Variants in PDZRN3 observed in about 807,000 individuals in gnomAD.
The protein encoded by PDZRN3 is E3 ubiquitin-protein ligase PDZRN3.
A neutral mutation model predicts 85.7 loss-of-function variants in PDZRN3; 38 were observed. The observed-to-expected ratio is 0.44, with a 90% CI of 0.34 to 0.58. The LOEUF is 0.58. PDZRN3 is among the 20% of genes least tolerant of loss of function. The pLI is 0.01. For synonymous variants in PDZRN3, 759 were observed against 638.0 expected (o/e 1.19, Z -2.86); for missense variants, 1,629 against 1,506.4 (o/e 1.08, Z -1.35).
intron 3 of PDZRN3, among the ~76,000 whole-genome samples, chr3:73,493,129 T>C (rs72886020): frequency 0.12 from 17,769 of 151,736 alleles, 1,214 homozygotes; most frequent in South Asian, 0.24. Flanking sequence ...TGCCATAATT[T>C]CTCCTTGGCC....
intron 3 of PDZRN3, among the ~76,000 whole-genome samples, chr3:73,436,714 T>G (rs933761368): frequency 1.3e-5 from 2 of 152,200 alleles, no homozygotes; most frequent in African/African-American, 4.8e-5. Context: ...GCAGTGGTTC[T>G]CTAACATTTT....
chr3:73,600,561 A>G (rs1160042332), intron 3 of PDZRN3, among the ~76,000 whole-genome samples: 3 of 152,136 alleles, frequency 2.0e-5, no homozygotes, highest in Non-Finnish European at 1.5e-5. Flanking sequence ...TTCCATCTCA[A>G]CACTACATGA....
intron 3 of PDZRN3, among the ~76,000 whole-genome samples, chr3:73,549,840 C>T (rs1158365915): frequency 6.6e-6 from 1 of 152,188 alleles, no homozygotes; most frequent in Non-Finnish European, 1.5e-5. Context: ...AGCTACGTAT[C>T]TCAGTAGAGC....
intron 3 of PDZRN3, among the ~76,000 whole-genome samples, chr3:73,483,211 G>A (rs182138115): frequency 6.6e-6 from 1 of 152,296 alleles, no homozygotes; most frequent in East Asian, 1.9e-4. Flanking sequence ...CAAGGATGAA[G>A]GGAAGAGGCT....
chr3:73,385,611 G>T, intron 9 of PDZRN3, 58 bp downstream of exon 9: 1 of 1,006,366 alleles, frequency 9.9e-7, no homozygotes, highest in Non-Finnish European at 1.6e-6. Context: ...GATGGAGGAA[G>T]CAGATTTTCC....
At chr3:73,565,992 C>T (rs1361190355) in intron 3 of PDZRN3, among the ~76,000 whole-genome samples, 1 of 152,082 alleles carries the variant, frequency 6.6e-6, no homozygotes, top group Non-Finnish European at 1.5e-5. Flanking sequence ...AACTGGATAC[C>T]TTTTCTTACC....
At chr3:73,520,293 C>T (rs556240747) in intron 3 of PDZRN3, among the ~76,000 whole-genome samples, 1 of 152,104 alleles carries the variant, frequency 6.6e-6, no homozygotes, top group Non-Finnish European at 1.5e-5. Context: ...CTGTTTGATC[C>T]CAGAAGTTCA....
intron 3 of PDZRN3, among the ~76,000 whole-genome samples, chr3:73,499,342 G>C (rs1703930571): frequency 6.6e-6 from 1 of 152,146 alleles, no homozygotes; most frequent in African/African-American, 2.4e-5. Context: ...GGCCCAGGCT[G>C]GCCCCAGGTG....
chr3:73,500,117 G>A (rs1223464736), intron 3 of PDZRN3, among the ~76,000 whole-genome samples: 2 of 152,126 alleles, frequency 1.3e-5, no homozygotes, highest in East Asian at 1.9e-4. Flanking sequence ...ATGCAATGGC[G>A]TGATCATGGC....
At chr3:73,408,360 A>G (rs1701896238) in intron 3 of PDZRN3, 1 of 613,290 alleles carries the variant, frequency 1.6e-6, no homozygotes, top group African/African-American at 1.8e-5. Flanking sequence ...GAATTTACTA[A>G]GACTCCAGTG....
At chr3:73,554,506 GT>G (rs1456537824) in intron 3 of PDZRN3, among the ~76,000 whole-genome samples, 6 of 151,976 alleles carry the variant, frequency 3.9e-5, no homozygotes, top group Non-Finnish European at 8.8e-5. Context: ...GGGCCACAGC[GT>G]TGTTTGCAAC....
chr3:73,523,393 T>C (rs13069228), intron 3 of PDZRN3, among the ~76,000 whole-genome samples: 42,230 of 152,064 alleles, frequency 0.28, 6,283 homozygotes, highest in Middle Eastern at 0.36. Flanking sequence ...ATGGACTACC[T>C]TAAGAAACTT....
Position 73,565,370 on chromosome 3 carries a change from C to T in PDZRN3, c.918+36984G>A, listed in dbSNP as rs559391878. ...GTACTGAACTCCTGACCTTGTGATCCGCCCGCCTTGGCCTCCCAAAATGCT... is the reference window on the plus strand; with the variant it reads ...GTACTGAACTCCTGACCTTGTGATCTGCCCGCCTTGGCCTCCCAAAATGCT... On this transcript the variant is annotated intron_variant, in intron 3 of 9. Coordinates refer to ENST00000263666, the MANE Select transcript of PDZRN3 (RefSeq NM_015009.3). 1.1e-4 allele frequency among the ~76,000 whole-genome samples: 16 copies of T among 151,990 alleles called. No homozygotes were observed. The South Asian group carries it at 1.5e-3, about 14-fold the overall frequency.
intron 3 of PDZRN3, among the ~76,000 whole-genome samples, chr3:73,577,037 T>A (rs1268749362): frequency 6.6e-6 from 1 of 152,224 alleles, no homozygotes. Context: ...GGGACATGAC[T>A]AAATTAATAC....
chr3:73,563,011 ATATT>A (rs1347390860), intron 3 of PDZRN3, among the ~76,000 whole-genome samples: 2 of 38,212 alleles, frequency 5.2e-5, no homozygotes, highest in African/African-American at 2.5e-4. Context: ...ATATATATAT[ATATT>A]TTTTTTTTTT....
At chr3:73,512,527 T>C (rs557307998) in intron 3 of PDZRN3, among the ~76,000 whole-genome samples, 5 of 152,140 alleles carry the variant, frequency 3.3e-5, no homozygotes, top group Non-Finnish European at 7.4e-5. Flanking sequence ...TTTAGTTGTT[T>C]TTTTTCTTTT....
chr3:73,422,398 T>C (rs528020227), intron 3 of PDZRN3, among the ~76,000 whole-genome samples: 1 of 152,334 alleles, frequency 6.6e-6, no homozygotes, highest in South Asian at 2.1e-4. Flanking sequence ...TAAGGGGCTG[T>C]GTGAGAAATA....
intron 3 of PDZRN3, among the ~76,000 whole-genome samples, chr3:73,530,857 T>C (rs1004997956): frequency 7.2e-5 from 11 of 152,236 alleles, no homozygotes; most frequent in Admixed American, 1.3e-4. Flanking sequence ...GTGACAAATT[T>C]AGCAGGTTAT....
rs748759541 is a variant in PDZRN3, at chr3:73,582,503, T to TTA, written c.918+19849_918+19850dup. ...TAAATTTTAAAACAAAATGTATATT[T>TTA]TATATATATATATACAGTTGGCTAA... On this transcript the variant is annotated intron_variant, in intron 3 of 9. Coordinates refer to ENST00000263666, the MANE Select transcript of PDZRN3 (RefSeq NM_015009.3). Among the ~76,000 whole-genome samples, 1,070 of 151,566 alleles carry TTA rather than the reference T, an allele frequency of 7.1e-3. 11 individuals are homozygous for TTA. The highest frequency in any genetic ancestry group is 0.023 in the African/African-American group (931 of 41,362).
Sources: gnomAD v4.1 joint callset for allele counts (sites outside exome capture counted in the v4.1 genomes callset) on GRCh38, gnomAD v4.1.1 for gene constraint, MANE v1.5 for transcripts, NCBI Gene and HGNC (gene_info 2026-07-23, HGNC 2026-07-21) for gene names.